Variants in TBC1D32 observed in about 807,000 individuals in gnomAD.
The protein encoded by TBC1D32 is TBC1 domain family member 32.
TBC1D32 carries 151 observed loss-of-function variants against 170.3 expected under a neutral mutation model. That is an observed-to-expected ratio of 0.89 (90% CI 0.78 to 1.01). The LOEUF (loss-of-function observed/expected upper bound fraction) is 1.01, where lower values mean the gene tolerates loss of function less well. Among genes scored for constraint, TBC1D32 ranks in the 50% least tolerant of loss-of-function variants. TBC1D32 has a pLI of 0.00. For synonymous variants in TBC1D32, 498 were observed against 488.0 expected (o/e 1.02, Z -0.27); for missense variants, 1,464 against 1,457.1 (o/e 1.00, Z -0.08).
intron 30 of TBC1D32, among the ~76,000 whole-genome samples, chr6:121,099,701 A>AATGG (rs1777800968): frequency 6.6e-6 from 1 of 151,946 alleles, no homozygotes; most frequent in Non-Finnish European, 1.5e-5. Flanking sequence ...AAAATGGTAA[A>AATGG]TAATATCAAC....
chr6:121,288,611 C>A (rs1372891094), intron 12 of TBC1D32, among the ~76,000 whole-genome samples: 4 of 152,120 alleles, frequency 2.6e-5, no homozygotes, highest in Non-Finnish European at 5.9e-5. Flanking sequence ...TAAAACTATT[C>A]CAATCAATAG....
chr6:121,260,519 G>A lies in TBC1D32; in HGVS notation c.1734-4234C>T, dbSNP rs377015711. On this transcript the variant is annotated intron_variant, in intron 15 of 31. Coordinates refer to ENST00000398212, the MANE Select transcript of TBC1D32 (RefSeq NM_152730.6). ...GACCCATGGAGAGGAAGGAAGAGCA[G>A]GGTGGTATGGCAGCCCACCTTAGAT... is the stretch of plus-strand genomic sequence containing the variant. Among the ~76,000 whole-genome samples the A allele has an allele frequency of 4.1e-5, 4 of 98,688 alleles. No homozygotes were observed. In the South Asian group the frequency reaches 1.1e-3, roughly 28 times the overall value. The allele number at this position is 98,688 out of a possible 152,430, so 64.7% of individuals were successfully genotyped here.
intron 12 of TBC1D32, among the ~76,000 whole-genome samples, 185 bp from the exon 13 acceptor site, chr6:121,284,095 G>A (rs1005527332): frequency 4.6e-5 from 7 of 151,952 alleles, no homozygotes; most frequent in Non-Finnish European, 8.8e-5. Context: ...ATTAAAACAC[G>A]GCAAGGCAAG....
intron 1 of TBC1D32, among the ~76,000 whole-genome samples, chr6:121,333,352 A>G (rs1309194510): frequency 1.3e-5 from 2 of 152,210 alleles, no homozygotes; most frequent in Non-Finnish European, 1.5e-5. Context: ...TCTACCTCAA[A>G]TGGCACTTCT....
chr6:121,261,294 C>G (rs986519182), intron 15 of TBC1D32, among the ~76,000 whole-genome samples: 1 of 152,214 alleles, frequency 6.6e-6, no homozygotes, highest in African/African-American at 2.4e-5. Context: ...CAAAGTGGGT[C>G]CTGGTTCCCA....
chr6:121,312,964 T>G (rs1004198859), intron 3 of TBC1D32, among the ~76,000 whole-genome samples: 1 of 152,190 alleles, frequency 6.6e-6, no homozygotes, highest in African/African-American at 2.4e-5. Context: ...GCAACTTGCC[T>G]TGAATTCCTT....
At chr6:121,136,202 CTG>C (rs1205817926) in intron 24 of TBC1D32, among the ~76,000 whole-genome samples, 2 of 152,196 alleles carry the variant, frequency 1.3e-5, no homozygotes, top group South Asian at 2.1e-4. Flanking sequence ...TTTAAACAAA[CTG>C]TGGTTTTTCA....
chr6:121,208,040 G>A (rs117595908), intron 21 of TBC1D32, among the ~76,000 whole-genome samples: 5 of 151,770 alleles, frequency 3.3e-5, no homozygotes, highest in Non-Finnish European at 7.4e-5. Flanking sequence ...ACATGGAAAA[G>A]TAGAGGAAAA....
intron 22 of TBC1D32, among the ~76,000 whole-genome samples, chr6:121,202,317 G>T (rs1422998914): frequency 3.4e-5 from 5 of 145,314 alleles, no homozygotes; most frequent in African/African-American, 1.3e-4. Flanking sequence ...AGAAACCGCA[G>T]CAATAAGAGT....
chr6:121,254,102 C>T (rs1019966130), intron 17 of TBC1D32, among the ~76,000 whole-genome samples: 1 of 151,816 alleles, frequency 6.6e-6, no homozygotes, highest in African/African-American at 2.4e-5. Flanking sequence ...TTGGATGGAG[C>T]TGGAGGCCGA....
chr6:121,132,496 T>C (rs1273734), intron 24 of TBC1D32, among the ~76,000 whole-genome samples: 25,868 of 151,954 alleles, frequency 0.17, 2,855 homozygotes, highest in African/African-American at 0.28. Context: ...TTTCACAGTT[T>C]ATTATTCTTT....
chr6:121,268,609 C>T (rs181558583), intron 15 of TBC1D32, among the ~76,000 whole-genome samples: 7 of 152,178 alleles, frequency 4.6e-5, no homozygotes, highest in South Asian at 2.1e-4. Context: ...TATGGGACTA[C>T]GTGAAAAGAC....
At chr6:121,315,079 G>A (rs1808740979) in intron 3 of TBC1D32, among the ~76,000 whole-genome samples, 1 of 152,188 alleles carries the variant, frequency 6.6e-6, no homozygotes, top group African/African-American at 2.4e-5. Flanking sequence ...GGTAAGCGGT[G>A]GAACCATAAC....
chr6:121,247,571 A>T (rs1200132001), intron 17 of TBC1D32, among the ~76,000 whole-genome samples: 1 of 151,700 alleles, frequency 6.6e-6, no homozygotes, highest in Non-Finnish European at 1.5e-5. Context: ...TCTTCAAGAG[A>T]CTCACTTAAC....
At chr6:121,273,501 G>C (rs1801785323) in intron 15 of TBC1D32, among the ~76,000 whole-genome samples, 2 of 149,100 alleles carry the variant, frequency 1.3e-5, no homozygotes, top group Admixed American at 6.7e-5. Flanking sequence ...GGGGTTGGGG[G>C]GGTTAGGGAT....
At chr6:121,308,905 A>G (rs975664936) in intron 4 of TBC1D32, among the ~76,000 whole-genome samples, 1 of 152,096 alleles carries the variant, frequency 6.6e-6, no homozygotes, top group Non-Finnish European at 1.5e-5. Context: ...TCTCCCACTC[A>G]ATATCCAAGT....
intron 25 of TBC1D32, among the ~76,000 whole-genome samples, chr6:121,127,926 T>G (rs2128214037): frequency 6.6e-6 from 1 of 152,336 alleles, no homozygotes; most frequent in Admixed American, 6.5e-5. Flanking sequence ...AGCATATTGC[T>G]AAGCAATTCT....
intron 22 of TBC1D32, among the ~76,000 whole-genome samples, chr6:121,203,002 G>GA (rs1281910981): frequency 6.6e-6 from 1 of 151,286 alleles, no homozygotes; most frequent in Non-Finnish European, 1.5e-5. Context: ...AACAAGCAAT[G>GA]AAAAACATAG....
At chr6:121,252,950 A>T (rs1395888641) in intron 17 of TBC1D32, among the ~76,000 whole-genome samples, 1 of 152,208 alleles carries the variant, frequency 6.6e-6, no homozygotes, top group East Asian at 1.9e-4. Flanking sequence ...TTATATAAAA[A>T]TCAACACATG....
Sources: allele counts gnomAD v4.1 joint callset (sites outside exome capture counted in the v4.1 genomes callset), GRCh38; gene constraint gnomAD v4.1.1; transcripts MANE v1.5; gene names NCBI Gene and HGNC (gene_info 2026-07-23, HGNC 2026-07-21).